STAB2: variants seen among roughly 807,000 people sequenced by gnomAD.
The protein encoded by STAB2 is stabilin-2.
Under a neutral mutation model 338.1 loss-of-function variants are expected in STAB2, and 288 were observed. That is an observed-to-expected ratio of 0.85 (90% CI 0.77 to 0.94). The LOEUF is 0.94. Ranked by LOEUF, STAB2 falls within the 40% of genes least tolerant of loss-of-function variation. The probability of loss-of-function intolerance (pLI) is 0.00; values close to 1 mark genes in which losing one functional copy is unlikely to be tolerated. For synonymous variants in STAB2, 1,202 were observed against 1,193.3 expected (o/e 1.01, Z -0.15); for missense variants, 3,141 against 3,210.1 (o/e 0.98, Z 0.52).
chr12:103,761,466 C>T, intron 66 of STAB2, 56 bp downstream of exon 66: 1 of 1,482,012 alleles, frequency 6.7e-7, no homozygotes, highest in Non-Finnish European at 9.4e-7. Flanking sequence ...GCCCACTCAC[C>T]AACAGGCAAA....
chr12:103,640,052 A>G (rs1872793467), intron 8 of STAB2, 71 bp from the exon 9 acceptor site: 1 of 1,517,802 alleles, frequency 6.6e-7, no homozygotes, highest in Non-Finnish European at 8.9e-7. Context: ...TAAAAATACA[A>G]ATTAAAGAAG....
At chr12:103,670,589 T>C in intron 21 of STAB2, 107 bp from the exon 22 acceptor site, 1 of 848,618 alleles carries the variant, frequency 1.2e-6, no homozygotes, top group South Asian at 1.5e-5. Flanking sequence ...TCCCAGAGGG[T>C]CATGTCAAGT....
At chr12:103,735,645 C>A in intron 52 of STAB2, 65 bp downstream of exon 52, 4 of 1,244,024 alleles carry the variant, frequency 3.2e-6, no homozygotes, top group East Asian at 5.1e-5. Context: ...TATTCCCCAA[C>A]AACTGCCCCT....
chr12:103,744,741 G>A (rs994411937), intron 56 of STAB2, among the ~76,000 whole-genome samples: 9 of 152,032 alleles, frequency 5.9e-5, no homozygotes, highest in South Asian at 2.1e-4. Flanking sequence ...CCAAAGTGCC[G>A]GGATTACAGA....
At chr12:103,735,241 A>G (rs758949128) in intron 51 of STAB2, among the ~76,000 whole-genome samples, 6 of 152,088 alleles carry the variant, frequency 3.9e-5, no homozygotes, top group Non-Finnish European at 8.8e-5. Flanking sequence ...CCAAGCATAG[A>G]TGGGAGATGG....
chr12:103,669,741 C>A (rs1292004606), intron 21 of STAB2, 114 bp downstream of exon 21: 5 of 902,280 alleles, frequency 5.5e-6, no homozygotes, highest in African/African-American at 1.7e-5. Context: ...AAAGAAATGA[C>A]CCCTTACTAA....
rs56963939 is a variant in STAB2, at chr12:103,756,999, AT to A, written c.6988-1170del. ...TCAGTAGCCCAGAAGGAGGGAAAAT[AT>A]ATATATATATATATATATATATATA... On this transcript the variant is annotated intron_variant, in intron 63 of 68. Coordinates refer to ENST00000388887, the MANE Select transcript of STAB2 (RefSeq NM_017564.10). Among the ~76,000 whole-genome samples, 166 of 47,258 alleles carry A rather than the reference AT, an allele frequency of 3.5e-3. 2 individuals carry two copies. The highest frequency in any genetic ancestry group is 8.4e-3 in the African/African-American group (156 of 18,566). The allele number at this position is 47,258 out of a possible 152,430, so 31.0% of individuals were successfully genotyped here. A position where few individuals can be genotyped will look rare whatever the true frequency, so the allele number is the denominator to read the frequency against.
At chr12:103,632,731 C>T (rs544140718) in intron 6 of STAB2, among the ~76,000 whole-genome samples, 1 of 152,182 alleles carries the variant, frequency 6.6e-6, no homozygotes, top group Non-Finnish European at 1.5e-5. Context: ...GCACACTGCA[C>T]CCTGGAGGCA....
At chr12:103,731,315 A>G (rs1340827949) in intron 49 of STAB2, among the ~76,000 whole-genome samples, 1 of 152,134 alleles carries the variant, frequency 6.6e-6, no homozygotes, top group East Asian at 1.9e-4. Context: ...GAAGCTTTGC[A>G]CAAGTGCTTC....
At chr12:103,621,692 C>T (rs1957305010) in intron 4 of STAB2, among the ~76,000 whole-genome samples, 1 of 152,232 alleles carries the variant, frequency 6.6e-6, no homozygotes, top group South Asian at 2.1e-4. Flanking sequence ...CACTGCACTT[C>T]AGCCTGGGTG....
At position 103,683,273 on chromosome 12, in the gene STAB2, G is replaced by A; in HGVS notation, c.2874G>A (p.Leu958=). 1 of 1,610,802 alleles carries A rather than the reference G, an allele frequency of 6.2e-7. No homozygotes were observed. The highest frequency in any genetic ancestry group is 8.5e-7 in the Non-Finnish European group (1 of 1,178,616). The change falls in exon 26 of 69, where the codon TTG becomes TTA. Residue 958 remains leucine (L), a synonymous_variant. Transcript: ENST00000388887. The part of the protein sequence containing the change: ...GIDCEPITSC[L]EQTGKCHPLA... ...ACTGTGAACCAATAACTTCATGCTT[G>A]GAACAAACCGGGAAATGTCATCCAT...
intron 5 of STAB2, among the ~76,000 whole-genome samples, chr12:103,625,283 A>C (rs1291274386): frequency 6.6e-6 from 1 of 152,232 alleles, no homozygotes; most frequent in Non-Finnish European, 1.5e-5. Context: ...AACATTTCCA[A>C]ATAAAGGAAG....
chr12:103,761,566 G>A (rs12312058), intron 66 of STAB2, among the ~76,000 whole-genome samples, 156 bp downstream of exon 66: 6,982 of 151,764 alleles, frequency 0.046, 352 homozygotes, highest in East Asian at 0.17. Flanking sequence ...GGCCAGGACC[G>A]CCCAACCCTG....
intron 67 of STAB2, among the ~76,000 whole-genome samples, chr12:103,763,101 A>G (rs1183972793): frequency 6.6e-6 from 1 of 152,224 alleles, no homozygotes; most frequent in Non-Finnish European, 1.5e-5. Context: ...CAAAATCCCC[A>G]TTTTTAGCAA....
chr12:103,638,010 C>T lies in STAB2; in HGVS notation c.710-6C>T, dbSNP rs1292583839. On this transcript the variant is annotated splice_polypyrimidine_tract_variant and splice_region_variant and intron_variant, in intron 7 of 68. Transcript: ENST00000388887. ...ACTGCCTCTCATTTTGCTGTTGCCTCTCAAGCCATCAATCCATGTTTACGA... is the reference window on the plus strand; with the variant it reads ...ACTGCCTCTCATTTTGCTGTTGCCTTTCAAGCCATCAATCCATGTTTACGA... 5 of 1,607,288 alleles carry T rather than the reference C, an allele frequency of 3.1e-6. No homozygotes were observed. The highest frequency in any genetic ancestry group is 4.3e-6 in the Non-Finnish European group (5 of 1,174,478).
At chr12:103,654,995 G>A (rs1200374593) in intron 13 of STAB2, 3 of 551,850 alleles carry the variant, frequency 5.4e-6, no homozygotes, top group Non-Finnish European at 6.3e-6. Flanking sequence ...TTTATAGAGG[G>A]CAGTTATTGC....
chr12:103,759,570 A>G (rs1654123915), intron 65 of STAB2, among the ~76,000 whole-genome samples: 1 of 152,318 alleles, frequency 6.6e-6, no homozygotes, highest in Middle Eastern at 3.4e-3. Flanking sequence ...AGGCATTAAC[A>G]TGAGCTCCAA....
intron 44 of STAB2, among the ~76,000 whole-genome samples, 180 bp from the exon 45 acceptor site, chr12:103,724,795 A>T (rs1186162550): frequency 6.6e-6 from 1 of 152,224 alleles, no homozygotes; most frequent in Non-Finnish European, 1.5e-5. Flanking sequence ...GGTGAATAAG[A>T]TGCCCCTATG....
chr12:103,712,550 A>C (rs1879963724), intron 41 of STAB2, 107 bp downstream of exon 41: 1 of 818,086 alleles, frequency 1.2e-6, no homozygotes, highest in African/African-American at 1.7e-5. Context: ...GGTGCCAACC[A>C]CTGATGGTGA....
Sources: gnomAD v4.1 joint callset for allele counts (sites outside exome capture counted in the v4.1 genomes callset) on GRCh38, gnomAD v4.1.1 for gene constraint, MANE v1.5 for transcripts, NCBI Gene and HGNC (gene_info 2026-07-23, HGNC 2026-07-21) for gene names.